The following SOS2 variants were observed in gnomAD, a reference collection of about 807,000 sequenced individuals.
The protein encoded by SOS2 is son of sevenless homolog 2.
Under a neutral mutation model 148.2 loss-of-function variants are expected in SOS2, and 65 were observed. The ratio of observed to expected loss-of-function variants is 0.44; its 90% CI spans 0.36 to 0.54. The LOEUF (loss-of-function observed/expected upper bound fraction) is 0.54, where lower values mean the gene tolerates loss of function less well. Ranked by LOEUF, SOS2 falls within the 20% of genes least tolerant of loss-of-function variation. SOS2 has a pLI of 0.00. For missense variants in SOS2, 1,341 were observed against 1,590.2 expected (o/e 0.84, Z 2.67); for synonymous variants, 539 against 537.1 (o/e 1.00, Z -0.05).
At chr14:50,136,098 T>G (rs1400064273) in intron 18 of SOS2, among the ~76,000 whole-genome samples, 2 of 152,224 alleles carry the variant, frequency 1.3e-5, no homozygotes, top group Non-Finnish European at 1.5e-5. Context: ...GAAAATTGTA[T>G]TACTCTTTTA....
rs768547025 is a variant in SOS2, at chr14:50,159,938, T to C, written c.1345A>G (p.Thr449Ala). 4 of 1,614,184 alleles carry C rather than the reference T, an allele frequency of 2.5e-6. No individual in the cohort carries two copies. Among genetic ancestry groups the C allele is most frequent in the Admixed American group, 1.7e-5 (1 of 60,016 alleles). The change falls in exon 10 of 23, where the codon ACA becomes GCA. Residue 449 changes from threonine (T) to alanine (A), a missense_variant. By Grantham distance (58) the Thr-to-Ala change is moderately conservative (BLOSUM62 0). Around this residue, in one of 4 missense-constraint regions of SOS2, gnomAD observed 574 missense variants for 711.1 expected, o/e 0.81. Transcript: ENST00000216373. ...CNEFIMEGPLTRIGAKHERHI... is the reference protein window; with the variant it reads ...CNEFIMEGPLARIGAKHERHI... Reference sequence around the variant, plus strand: ...CGTTCATGTTTGGCACCGATTCTTGTCAATGGTCCCTCCATAATGAATTCA... The same window carrying C: ...CGTTCATGTTTGGCACCGATTCTTGCCAATGGTCCCTCCATAATGAATTCA...
chr14:50,227,674 G>A (rs561294309), intron 1 of SOS2, among the ~76,000 whole-genome samples: 28 of 152,256 alleles, frequency 1.8e-4, no homozygotes, highest in African/African-American at 6.0e-4. Flanking sequence ...TAATCTGCCC[G>A]CCTTGGCCTC....
intron 2 of SOS2, among the ~76,000 whole-genome samples, chr14:50,204,056 T>G (rs1886587559): frequency 6.6e-6 from 1 of 152,070 alleles, no homozygotes; most frequent in Non-Finnish European, 1.5e-5. Context: ...GGTTTCAAGG[T>G]TTTTTCCCCT....
intron 8 of SOS2, among the ~76,000 whole-genome samples, chr14:50,168,652 A>G (rs1885245370): frequency 6.6e-6 from 1 of 152,168 alleles, no homozygotes; most frequent in African/African-American, 2.4e-5. Flanking sequence ...TAATTTACAA[A>G]TATTTTCCCA....
rs558551126 is a variant in SOS2, at chr14:50,220,167, G to A, written c.87+11030C>T. On this transcript the variant is annotated intron_variant, in intron 1 of 22. Transcript: ENST00000216373. The stretch of plus-strand genomic sequence containing the variant: ...TGTAATCCCAGCACTTTGGGAGGCC[G>A]AAGCGGGCAGATCACGAGGTCAGGA... Among the ~76,000 whole-genome samples, 175 of 151,168 alleles carry A rather than the reference G, an allele frequency of 1.2e-3. 1 individual carries two copies. Among genetic ancestry groups the A allele is most frequent in the African/African-American group, 4.1e-3 (167 of 41,170 alleles).
At chr14:50,145,105 G>T in intron 16 of SOS2, 65 bp downstream of exon 16, 1 of 871,466 alleles carries the variant, frequency 1.1e-6, no homozygotes, top group Non-Finnish European at 1.6e-6. Context: ...GATGATAGAT[G>T]AAATTTCTTT....
chr14:50,153,098 T>C lies in SOS2; in HGVS notation c.2133A>G (p.Arg711=), dbSNP rs2139604355. The part of the protein sequence containing the change: ...DFERDLELLE[R]LESFISSVRG... The stretch of plus-strand genomic sequence containing the variant: ...TTACACTTGAAATGAAGGATTCTAG[T>C]CTTTCAAGCAATTCCAAGTCTCTTT... The change falls in exon 13 of 23, where the codon AGA becomes AGG. Residue 711 remains arginine (R), a synonymous_variant. Transcript: ENST00000216373. The C allele has an allele frequency of 2.5e-6, 4 of 1,591,752 alleles. No individual in the cohort carries two copies. Among genetic ancestry groups the C allele is most frequent in the East Asian group, 2.2e-5 (1 of 44,604 alleles).
intron 8 of SOS2, among the ~76,000 whole-genome samples, chr14:50,168,626 T>C (rs1298059036): frequency 6.6e-6 from 1 of 152,208 alleles, no homozygotes. Flanking sequence ...TGGATAAGAA[T>C]CTTTTATCAG....
rs373602186 is a variant in SOS2 at position 50,224,883 on chromosome 14, C to CAAA, written c.87+6311_87+6313dup. Among the ~76,000 whole-genome samples the CAAA allele has an allele frequency of 1.1e-4, 11 of 96,684 alleles. 1 individual carries two copies. Among genetic ancestry groups the CAAA allele is most frequent in the South Asian group, 7.0e-4 (2 of 2,862 alleles). The allele number at this position is 96,684 out of a possible 152,430, so 63.4% of individuals were successfully genotyped here. On this transcript the variant is annotated intron_variant, in intron 1 of 22. Coordinates refer to ENST00000216373, the MANE Select transcript of SOS2 (RefSeq NM_006939.4). Reference sequence around the variant, plus strand: ...CCTGCGTAGCAGAGCAAAACCCTGTCAAAAAAAAAAAAAAAGAGAGAGAGA... The same window carrying CAAA: ...CCTGCGTAGCAGAGCAAAACCCTGTCAAAAAAAAAAAAAAAAAAGAGAGAGAGA...
intron 1 of SOS2, 88 bp from the exon 2 acceptor site, chr14:50,204,497 T>C: frequency 2.6e-6 from 2 of 766,538 alleles, no homozygotes; most frequent in Admixed American, 2.8e-5. Context: ...AATATTTTAC[T>C]ATAATGGTTA....
chr14:50,125,581 A>G (rs1883655389), intron 21 of SOS2, among the ~76,000 whole-genome samples: 1 of 112,944 alleles, frequency 8.9e-6, no homozygotes, highest in Non-Finnish European at 1.8e-5. Context: ...TATAATGTAT[A>G]TGGAGACAGA....
chr14:50,167,899 G>A (rs145937588), intron 8 of SOS2, among the ~76,000 whole-genome samples: 33 of 151,846 alleles, frequency 2.2e-4, no homozygotes, highest in African/African-American at 7.7e-4. Flanking sequence ...AGTGAGTCCA[G>A]GTGAAGGGTG....
At chr14:50,162,891 GT>G (rs1885055014) in intron 8 of SOS2, among the ~76,000 whole-genome samples, 2 of 134,590 alleles carry the variant, frequency 1.5e-5, no homozygotes, top group Non-Finnish European at 3.2e-5. Flanking sequence ...GTGCTCCAAT[GT>G]TTTGATTTTT....
intron 5 of SOS2, among the ~76,000 whole-genome samples, chr14:50,184,524 T>A (rs1885845514): frequency 1.3e-5 from 2 of 152,178 alleles, no homozygotes; most frequent in East Asian, 3.9e-4. Context: ...GATAACCTCA[T>A]GATAGGGCCA....
At chr14:50,151,931 C>T (rs938083007) in intron 13 of SOS2, among the ~76,000 whole-genome samples, 2 of 151,966 alleles carry the variant, frequency 1.3e-5, no homozygotes, top group African/African-American at 4.8e-5. Context: ...GCCATTTTGC[C>T]CAGACTGGTC....
intron 1 of SOS2, among the ~76,000 whole-genome samples, chr14:50,208,117 G>A (rs1041091644): frequency 2.4e-4 from 37 of 152,000 alleles, no homozygotes; most frequent in African/African-American, 8.7e-4. Flanking sequence ...CCAACATGGT[G>A]AAATCCCATC....
At chr14:50,200,774 A>T (rs947644749) in intron 3 of SOS2, among the ~76,000 whole-genome samples, 179 bp downstream of exon 3, 4 of 152,218 alleles carry the variant, frequency 2.6e-5, no homozygotes, top group African/African-American at 4.8e-5. Flanking sequence ...CAATTTCACC[A>T]GAGCATAATC....
chr14:50,209,415 T>C (rs1332110441), intron 1 of SOS2, among the ~76,000 whole-genome samples: 1 of 151,844 alleles, frequency 6.6e-6, no homozygotes, highest in Non-Finnish European at 1.5e-5. Flanking sequence ...ACACATAAAT[T>C]ACCTGAACTC....
chr14:50,135,010 T>C (rs1016875790), intron 18 of SOS2, among the ~76,000 whole-genome samples: 1 of 134,424 alleles, frequency 7.4e-6, no homozygotes, highest in African/African-American at 2.9e-5. Flanking sequence ...CAGGCGGAGG[T>C]TGAGGTGAAC....
Sources: gnomAD v4.1 joint callset for allele counts (sites outside exome capture counted in the v4.1 genomes callset) on GRCh38, gnomAD v4.1.1 for gene constraint, gnomAD v4.1.1 regional missense constraint, MANE v1.5 for transcripts, NCBI Gene and HGNC (gene_info 2026-07-23, HGNC 2026-07-21) for gene names.